Variants in PCDH11X observed in about 807,000 individuals in gnomAD.
PCDH11X encodes protocadherin-11 X-linked.
In PCDH11X, 18 loss-of-function variants were observed where a neutral mutation model predicts 53.3. The ratio of observed to expected loss-of-function variants is 0.34; its 90% confidence interval spans 0.23 to 0.50. PCDH11X has a LOEUF of 0.50. PCDH11X is among the 20% of genes least tolerant of loss of function. The probability of loss-of-function intolerance (pLI) is 0.98; values close to 1 mark genes in which losing one functional copy is unlikely to be tolerated. For missense variants in PCDH11X, 570 were observed against 1,032.4 expected (o/e 0.55, Z 6.14); for synonymous variants, 279 against 393.3 (o/e 0.71, Z 3.44).
chrX:92,376,930 C>A (rs1426872697), intron 8 of PCDH11X, among the ~76,000 whole-genome samples: 1 of 111,417 alleles, frequency 9.0e-6, no homozygotes, highest in South Asian at 3.7e-4. Context: ...CATTTGGAAA[C>A]ATGATCAAAA....
intron 8 of PCDH11X, among the ~76,000 whole-genome samples, chrX:92,322,360 T>C (rs1416380194): frequency 1.8e-5 from 2 of 111,091 alleles, no homozygotes; most frequent in Non-Finnish European, 3.8e-5. Context: ...CAATGTACTT[T>C]CCATTCCTTA....
At chrX:92,058,126 T>C (rs1416915760) in intron 6 of PCDH11X, among the ~76,000 whole-genome samples, 1 of 105,407 alleles carries the variant, frequency 9.5e-6, no homozygotes, top group Non-Finnish European at 1.9e-5. Context: ...CATGGCTGGA[T>C]ATATTAAAAT....
intron 8 of PCDH11X, among the ~76,000 whole-genome samples, chrX:92,301,620 C>G (rs1488671010): frequency 2.7e-5 from 3 of 109,139 alleles, no homozygotes; most frequent in African/African-American, 1.0e-4. Context: ...CATCCCTTTC[C>G]TAGGAGTCTG....
At position 91,832,878 on chromosome X, in the gene PCDH11X, A is replaced by G. The variant is rs1206335168; in HGVS notation, c.-44-2583A>G. ...TTAATTTAACTTTTATTCTGAGTTC[A>G]GGGGTACAAGTGTAGGTTTATGTAA... is the stretch of plus-strand genomic sequence containing the variant. On this transcript the variant is annotated intron_variant, in intron 4 of 10. Transcript: ENST00000682573. Among the ~76,000 whole-genome samples, 6 of 107,059 alleles carry G rather than the reference A, an allele frequency of 5.6e-5. No homozygotes were observed. In the East Asian group the frequency reaches 1.5e-3, roughly 26 times the overall value. 93.0% of individuals were successfully genotyped at this position (107,059 alleles called of 115,157 possible). A position where few individuals can be genotyped will look rare whatever the true frequency, so the allele number is the denominator to read the frequency against.
chrX:92,132,569 C>A (rs1312999336), intron 6 of PCDH11X, among the ~76,000 whole-genome samples: 1 of 101,578 alleles, frequency 9.8e-6, no homozygotes, highest in African/African-American at 3.5e-5. Flanking sequence ...GATCACGCCA[C>A]TGCACTCCAG....
intron 10 of PCDH11X, among the ~76,000 whole-genome samples, chrX:92,521,476 C>T (rs1388315139): frequency 1.8e-5 from 2 of 111,486 alleles, no homozygotes; most frequent in Non-Finnish European, 3.8e-5. Context: ...TATGTGCTGT[C>T]ATTCAGGCTT....
intron 6 of PCDH11X, among the ~76,000 whole-genome samples, chrX:92,169,056 A>G (rs921082684): frequency 3.6e-5 from 4 of 110,005 alleles, no homozygotes; most frequent in Non-Finnish European, 7.6e-5. Flanking sequence ...TTTGGATTGA[A>G]GAGATTATAT....
At chrX:92,580,594 G>A (rs898977154) in intron 10 of PCDH11X, among the ~76,000 whole-genome samples, 2 of 110,818 alleles carry the variant, frequency 1.8e-5, no homozygotes, top group African/African-American at 6.6e-5. Flanking sequence ...CTCACAGGCC[G>A]GGAAAAAAAA....
chrX:92,268,448 C>T (rs1223727073), intron 8 of PCDH11X, among the ~76,000 whole-genome samples: 2 of 110,994 alleles, frequency 1.8e-5, no homozygotes, highest in Admixed American at 9.6e-5. Context: ...TGTGCCACCA[C>T]GCCCAACAAT....
Position 91,791,683 on chromosome X carries a change from GT to G in PCDH11X, c.-379+12012del, listed in dbSNP as rs201876042. On this transcript the variant is annotated intron_variant, in intron 1 of 10. Coordinates refer to ENST00000682573, the MANE Select transcript of PCDH11X (RefSeq NM_032968.5). ...CCAAAATACCCTATATCTTTTTAGG[GT>G]TTTTTTTTTTTTGAGAGGGAAAATC... Among the ~76,000 whole-genome samples the G allele has an allele frequency of 6.0e-3, 566 of 94,284 alleles. 5 individuals carry two copies. The highest frequency in any genetic ancestry group is 0.018 in the African/African-American group (451 of 24,656). 81.9% of individuals were successfully genotyped at this position (94,284 alleles called of 115,157 possible).
chrX:92,357,771 C>G (rs1364775982), intron 8 of PCDH11X, among the ~76,000 whole-genome samples: 1 of 111,488 alleles, frequency 9.0e-6, no homozygotes, highest in Non-Finnish European at 1.9e-5. Context: ...TTACTTGTAT[C>G]GATCTCATTA....
At chrX:91,943,890 T>C (rs2147859806) in intron 6 of PCDH11X, among the ~76,000 whole-genome samples, 1 of 107,082 alleles carries the variant, frequency 9.3e-6, no homozygotes, top group African/African-American at 3.4e-5. Flanking sequence ...GGCTTACTTA[T>C]AGCTTTTGAT....
intron 4 of PCDH11X, among the ~76,000 whole-genome samples, chrX:91,817,350 A>G (rs1328761610): frequency 3.0e-5 from 3 of 101,546 alleles, no homozygotes; most frequent in African/African-American, 1.1e-4. Flanking sequence ...TAATAGTTTC[A>G]AAATTTAGAA....
intron 6 of PCDH11X, among the ~76,000 whole-genome samples, chrX:92,147,855 T>TCTTTCTCTTTCTTTCTTTC (rs1569388349): frequency 1.3e-4 from 3 of 22,371 alleles, no homozygotes; most frequent in African/African-American, 2.3e-4. Context: ...TTCTTTCTTT[T>TCTTTCTCTTTCTTTCTTTC]TTCTTTTCTC....
At chrX:92,086,765 C>T (rs1434698952) in intron 6 of PCDH11X, among the ~76,000 whole-genome samples, 2 of 110,649 alleles carry the variant, frequency 1.8e-5, no homozygotes, top group African/African-American at 6.6e-5. Flanking sequence ...TGACAGTGTT[C>T]TGTGTGGGAG....
Position 92,517,369 on chromosome X carries a change from C to T in PCDH11X, c.3367+49047C>T, listed in dbSNP as rs1265028925. On this transcript the variant is annotated intron_variant, in intron 10 of 10. Coordinates refer to ENST00000682573, the MANE Select transcript of PCDH11X (RefSeq NM_032968.5). ...GAAAATTGTCAACAATTAGTAGTGA[C>T]ATAGCTACATCACATTACCATTCTT... Among the ~76,000 whole-genome samples the T allele has an allele frequency of 4.5e-5, 5 of 112,081 alleles. No homozygotes were observed. The East Asian group carries it at 1.1e-3, about 25-fold the overall frequency.
In PCDH11X at chrX:92,364,102, G is replaced by A. The variant is rs145626194; in HGVS notation, c.3145-23633G>A. 4.4e-4 allele frequency among the ~76,000 whole-genome samples: 49 copies of A among 111,620 alleles called. No homozygotes were observed. The East Asian group carries it at 8.8e-3, about 20-fold the overall frequency. On this transcript the variant is annotated intron_variant, in intron 8 of 10. Transcript: ENST00000682573. ...GGATTTTCATTAGAGATATTGATGTGTAGTTTTCTTATAGTGTCTTAGTCT... is the reference window on the plus strand; with the variant it reads ...GGATTTTCATTAGAGATATTGATGTATAGTTTTCTTATAGTGTCTTAGTCT...
chrX:91,939,597 C>T (rs1172309471), intron 6 of PCDH11X, among the ~76,000 whole-genome samples: 5 of 108,464 alleles, frequency 4.6e-5, no homozygotes, highest in South Asian at 4.0e-4. Context: ...AAAAATGTAA[C>T]GCAGCCAGAG....
At chrX:92,551,141 G>GT (rs1366258199) in intron 10 of PCDH11X, among the ~76,000 whole-genome samples, 2 of 109,524 alleles carry the variant, frequency 1.8e-5, no homozygotes, top group African/African-American at 6.6e-5. Flanking sequence ...CTCAATTTTT[G>GT]TTTTTTTGAA....
Sources: allele counts gnomAD v4.1 joint callset (sites outside exome capture counted in the v4.1 genomes callset), GRCh38; gene constraint gnomAD v4.1.1; transcripts MANE v1.5; gene names NCBI Gene and HGNC (gene_info 2026-07-23, HGNC 2026-07-21).